The following PXK variants were observed in gnomAD, a reference collection of about 807,000 sequenced individuals.
The protein encoded by PXK is PX domain containing serine/threonine kinase like.
Under a neutral mutation model 84.7 loss-of-function variants are expected in PXK, and 35 were observed. The observed-to-expected ratio is 0.41, with a 90% CI of 0.32 to 0.55. The LOEUF (loss-of-function observed/expected upper bound fraction) is 0.55, where lower values mean the gene tolerates loss of function less well. Among genes scored for constraint, PXK ranks in the 20% least tolerant of loss-of-function variants. PXK has a pLI of 0.21. For synonymous variants in PXK, 253 were observed against 260.8 expected (o/e 0.97, Z 0.29); for missense variants, 634 against 699.7 (o/e 0.91, Z 1.06).
rs2058080460 is a variant in PXK, at chr3:58,398,557, G to A, written c.1103-742G>A. On this transcript the variant is annotated intron_variant, in intron 11 of 17. Coordinates refer to ENST00000356151, the MANE Select transcript of PXK (RefSeq NM_017771.5). This position sits in a 1 kb window ranked among gnomAD's most constrained non-coding sequence, Gnocchi z 4.5. The stretch of plus-strand genomic sequence containing the variant: ...TCTTACAGCATTACCTGCGGGGGCT[G>A]AGGGGAGCTGGAGGACAAGTGAGAG... Among the ~76,000 whole-genome samples the A allele has an allele frequency of 6.6e-6, 1 of 152,162 alleles. No homozygotes were observed. The highest frequency in any genetic ancestry group is 6.5e-5 in the Admixed American group (1 of 15,270).
At chr3:58,338,604 C>T (rs1049476171) in intron 1 of PXK, among the ~76,000 whole-genome samples, 3 of 151,044 alleles carry the variant, frequency 2.0e-5, no homozygotes, top group Non-Finnish European at 4.4e-5. Flanking sequence ...GCCTGGGCGA[C>T]AGAGCAAGAC....
Position 58,390,463 on chromosome 3 carries a change from T to C in PXK, c.389-119T>C, listed in dbSNP as rs62258099. On this transcript the variant is annotated intron_variant, in intron 4 of 17. Transcript: ENST00000356151. The surrounding 1 kb of genome is among the most constrained non-coding windows in gnomAD (Gnocchi z 4.2). ...TTCTTTATTATTATTTTTTTTTTGG[T>C]AATTAAGTTTTTTAAAAAGGTCATA... The C allele has an allele frequency of 0.049, 25,747 of 520,378 alleles. 927 individuals are homozygous for C. The highest frequency in any genetic ancestry group is 0.058 in the Non-Finnish European group (18,701 of 321,150). The allele number at this position is 520,378 out of a possible 1,614,324, so 32.2% of individuals were successfully genotyped here.
chr3:58,336,038 CATATATATATATATATATAT>C (rs1168755178), intron 1 of PXK, among the ~76,000 whole-genome samples: 19 of 43,160 alleles, frequency 4.4e-4, no homozygotes, highest in Non-Finnish European at 6.1e-4. Context: ...CCTTGGGAAA[CATATATATATATATATATAT>C]ATATATATAT....
At chr3:58,418,700 C>G (rs996278574) in intron 17 of PXK, among the ~76,000 whole-genome samples, 13 of 152,214 alleles carry the variant, frequency 8.5e-5, no homozygotes, top group Non-Finnish European at 1.3e-4. Context: ...CAGGTATAAA[C>G]TACGAATGTC....
intron 3 of PXK, among the ~76,000 whole-genome samples, chr3:58,372,715 C>G (rs556232007): frequency 6.6e-6 from 1 of 151,266 alleles, no homozygotes; most frequent in Non-Finnish European, 1.5e-5. Context: ...CAATCTCTGC[C>G]TCTTGGGTTC....
rs981585914 is a variant in PXK at position 58,398,411 on chromosome 3, C to T, written c.1102+689C>T. On this transcript the variant is annotated intron_variant, in intron 11 of 17. Coordinates refer to ENST00000356151, the MANE Select transcript of PXK (RefSeq NM_017771.5). The surrounding 1 kb of genome is among the most constrained non-coding windows in gnomAD (Gnocchi z 4.5). Reference sequence around the variant, plus strand: ...CGACACAGTAAGACTCTGCCTCAAACGAAAACAAAACAAAACAAGAATGCC... The same window carrying T: ...CGACACAGTAAGACTCTGCCTCAAATGAAAACAAAACAAAACAAGAATGCC... Among the ~76,000 whole-genome samples, 3 of 152,006 alleles carry T rather than the reference C, an allele frequency of 2.0e-5. No homozygotes were observed. Among genetic ancestry groups the T allele is most frequent in the Non-Finnish European group, 2.9e-5 (2 of 68,020 alleles).
intron 1 of PXK, among the ~76,000 whole-genome samples, chr3:58,353,153 C>T (rs564959197): frequency 2.6e-5 from 4 of 152,160 alleles, no homozygotes; most frequent in Admixed American, 6.5e-5. Context: ...CCCGCCACCA[C>T]GCCCGGCTAA....
intron 1 of PXK, among the ~76,000 whole-genome samples, chr3:58,336,663 T>A (rs934681139): frequency 6.6e-6 from 1 of 152,132 alleles, no homozygotes; most frequent in Admixed American, 6.6e-5. Context: ...AGGGAAAACT[T>A]TTTAAAGTTA....
chr3:58,372,126 TATA>T lies in PXK; in HGVS notation c.201+2651_201+2653del, dbSNP rs1325635903. On this transcript the variant is annotated intron_variant, in intron 3 of 17. Transcript: ENST00000356151. ...ATGCAAAATTATATATGCCATATAA[TATA>T]ATTACAAGAAATGTTTGGAAAACAG... 2.6e-5 allele frequency among the ~76,000 whole-genome samples: 4 copies of T among 152,306 alleles called. No homozygotes were observed. In the East Asian group the frequency reaches 7.7e-4, roughly 29 times the overall value.
intron 3 of PXK, among the ~76,000 whole-genome samples, chr3:58,377,503 T>TA (rs1024601275): frequency 1.3e-5 from 2 of 151,642 alleles, no homozygotes; most frequent in African/African-American, 4.9e-5. Context: ...TTTTTATGTT[T>TA]AAAAAATAAA....
rs2058119478 is a variant in PXK, at chr3:58,398,776, G to C, written c.1103-523G>C. ...TATTGTGTCAAAAGAGGCAATTCAA[G>C]AGAACAGGCCCTGGGACTATATTGT... On this transcript the variant is annotated intron_variant, in intron 11 of 17. Transcript: ENST00000356151. The surrounding 1 kb of genome is among the most constrained non-coding windows in gnomAD (Gnocchi z 4.5). Among the ~76,000 whole-genome samples, 1 of 152,176 alleles carries C rather than the reference G, an allele frequency of 6.6e-6. No individual in the cohort carries two copies. The highest frequency in any genetic ancestry group is 1.5e-5 in the Non-Finnish European group (1 of 68,028).
chr3:58,374,590 TAA>T (rs1365898641), intron 3 of PXK, among the ~76,000 whole-genome samples: 1 of 152,176 alleles, frequency 6.6e-6, no homozygotes, highest in Non-Finnish European at 1.5e-5. Flanking sequence ...TAGGGCATGT[TAA>T]AGAGGAAGGT....
intron 1 of PXK, among the ~76,000 whole-genome samples, chr3:58,361,133 C>CTA (rs2098177379): frequency 6.6e-6 from 1 of 151,636 alleles, no homozygotes. Flanking sequence ...CCCGTCTCTA[C>CTA]TAAAAATACA....
chr3:58,418,512 G>T (rs549311254), intron 17 of PXK, among the ~76,000 whole-genome samples: 1 of 152,174 alleles, frequency 6.6e-6, no homozygotes, highest in Non-Finnish European at 1.5e-5. Flanking sequence ...TTGTTGGCTG[G>T]TGTGAAAAGA....
rs1220744757 is a variant in PXK, at chr3:58,397,316, T to C, written c.984+116T>C. On this transcript the variant is annotated intron_variant, in intron 10 of 17. Transcript: ENST00000356151. The surrounding 1 kb of genome is among the most constrained non-coding windows in gnomAD (Gnocchi z 4.7). ...TGAAAGGTATAGTTGGGACAGGCCT[T>C]GCCCGTCAGCCCTTGCAGCGTTGCT... The C allele has an allele frequency of 7.9e-7, 1 of 1,264,658 alleles. No homozygotes were observed. Among genetic ancestry groups the C allele is most frequent in the African/African-American group, 1.5e-5 (1 of 67,770 alleles). 78.3% of individuals were successfully genotyped at this position (1,264,658 alleles called of 1,614,324 possible). A position where few individuals can be genotyped will look rare whatever the true frequency, so the allele number is the denominator to read the frequency against.
Position 58,355,466 on chromosome 3 carries a change from G to A in PXK, c.103-10408G>A, listed in dbSNP as rs192106663. Among the ~76,000 whole-genome samples, 5 of 152,312 alleles carry A rather than the reference G, an allele frequency of 3.3e-5. No individual in the cohort carries two copies. In the East Asian group the frequency reaches 7.7e-4, roughly 23 times the overall value. Reference sequence around the variant, plus strand: ...AGTTTTGGCTTGAGCGACTTAACACGTTTATTTCAAAGTAATTTGTGTTTG... The same window carrying A: ...AGTTTTGGCTTGAGCGACTTAACACATTTATTTCAAAGTAATTTGTGTTTG... On this transcript the variant is annotated intron_variant, in intron 1 of 17. Transcript: ENST00000356151.
intron 1 of PXK, among the ~76,000 whole-genome samples, chr3:58,355,212 G>A (rs1322157028): frequency 1.3e-5 from 2 of 152,152 alleles, no homozygotes; most frequent in Non-Finnish European, 2.9e-5. Context: ...ATCTGTGAGG[G>A]CACAAGTGTA....
intron 3 of PXK, among the ~76,000 whole-genome samples, chr3:58,374,964 C>T (rs1448712080): frequency 1.3e-5 from 2 of 152,132 alleles, no homozygotes; most frequent in East Asian, 3.8e-4. Context: ...ATAATTGCAG[C>T]TGTTGGCAAA....
chr3:58,332,905 G>A lies in PXK; in HGVS notation c.-84G>A. The stretch of plus-strand genomic sequence containing the variant: ...GGGGCGGCGCGTGTTGACAGCGGCG[G>A]CGGTGGAACCGGGCGGGCGGCGGGA... On this transcript the variant is annotated 5_prime_UTR_variant, in exon 1 of 18. Coordinates refer to ENST00000356151, the MANE Select transcript of PXK (RefSeq NM_017771.5). The surrounding 1 kb of genome is among the most constrained non-coding windows in gnomAD (Gnocchi z 5.6). The A allele has an allele frequency of 1.2e-6, 1 of 856,884 alleles. No homozygotes were observed. Among genetic ancestry groups the A allele is most frequent in the Admixed American group, 4.8e-5 (1 of 21,036 alleles). 53.1% of individuals were successfully genotyped at this position (856,884 alleles called of 1,614,324 possible).
Sources: gnomAD v4.1 joint callset for allele counts (sites outside exome capture counted in the v4.1 genomes callset) on GRCh38, gnomAD v4.1.1 for gene constraint, Gnocchi (gnomAD v3.1) non-coding constraint, MANE v1.5 for transcripts, NCBI Gene and HGNC (gene_info 2026-07-23, HGNC 2026-07-21) for gene names.